The following ALOX15 variants were observed in gnomAD, a reference collection of about 807,000 sequenced individuals.
ALOX15 encodes polyunsaturated fatty acid lipoxygenase ALOX15.
A neutral mutation model predicts 71.7 loss-of-function variants in ALOX15; 68 were observed. The observed-to-expected ratio is 0.95, with a 90% CI of 0.78 to 1.16. The LOEUF (loss-of-function observed/expected upper bound fraction) is 1.16. ALOX15 is among the 50% of genes most tolerant of loss of function. The probability of loss-of-function intolerance (pLI) is 0.00; values close to 1 mark genes in which losing one functional copy is unlikely to be tolerated. For synonymous variants in ALOX15, 346 were observed against 333.3 expected (o/e 1.04, Z -0.42); for missense variants, 798 against 818.8 (o/e 0.97, Z 0.31).
At chr17:4,635,143 A>G (rs1473829091) in intron 8 of ALOX15, among the ~76,000 whole-genome samples, 7 of 151,764 alleles carry the variant, frequency 4.6e-5, no homozygotes, top group Non-Finnish European at 7.4e-5. Flanking sequence ...AAAGAAGACA[A>G]ACTTGGACCA....
rs61119773 is a variant in ALOX15 at position 4,638,668 on chromosome 17, T to C, written c.559A>G (p.Ile187Val). 5.9e-4 allele frequency: 959 copies of C among 1,614,204 alleles called. 2 individuals are homozygous for C. Among genetic ancestry groups the C allele is most frequent in the African/African-American group, 3.7e-3 (274 of 75,054 alleles). ...GTCAGAACATTTAGAGAGTCTTTGA[T>C]AGCGAGGTCGGCCAGCCTTCAGGGC... ...SLAKGLADLA[I>V]KDSLNVLTCW... The change falls in exon 5 of 14, where the codon ATC becomes GTC. Residue 187 changes from isoleucine (I) to valine (V), a missense_variant. By Grantham distance (29) the Ile-to-Val change is conservative. Around this residue, in one of 3 missense-constraint regions of ALOX15, gnomAD observed 300 missense variants for 283.1 expected, o/e 1.06. Coordinates refer to ENST00000293761, the MANE Select transcript of ALOX15 (RefSeq NM_001140.5).
intron 8 of ALOX15, among the ~76,000 whole-genome samples, chr17:4,634,811 T>G (rs955668833): frequency 6.6e-6 from 1 of 151,582 alleles, no homozygotes; most frequent in African/African-American, 2.4e-5. Context: ...AAACCTCATC[T>G]CTACTAAAAA....
At chr17:4,632,311 C>T (rs753730814) in intron 11 of ALOX15, 30 bp from the exon 12 acceptor site, 8 of 1,589,154 alleles carry the variant, frequency 5.0e-6, no homozygotes, top group Admixed American at 3.3e-5. Flanking sequence ...TTAGAAGCTG[C>T]GAAGGCAGGA....
chr17:4,640,565 G>A (rs11568087), intron 1 of ALOX15, among the ~76,000 whole-genome samples: 19,906 of 135,868 alleles, frequency 0.15, 2,025 homozygotes, highest in Middle Eastern at 0.19. Flanking sequence ...GAGGGAGCGC[G>A]CCTTTCCACC....
chr17:4,636,938 CTG>C (rs1284518722), intron 7 of ALOX15, among the ~76,000 whole-genome samples, 175 bp downstream of exon 7: 1 of 152,228 alleles, frequency 6.6e-6, no homozygotes, highest in Admixed American at 6.5e-5. Context: ...CTGGCCCAGT[CTG>C]TCTCTCCAGC....
Position 4,638,878 on chromosome 17 carries a change from C to T in ALOX15, c.514G>A (p.Val172Ile). Residue 172 changes from valine to isoleucine, a missense_variant, in exon 4 of 14, where the codon GTT becomes ATT. Coordinates refer to ENST00000293761, the MANE Select transcript of ALOX15 (RefSeq NM_001140.5). ...VDERFLEDKR[V>I]DFEVSLAKGL... ...TTGGCCAGCGAAACCTCAAAGTCAA[C>T]TCTCTTGTCTTCCAGAAATCGCTCA... 1 of 1,614,258 alleles carries T rather than the reference C, an allele frequency of 6.2e-7. No homozygotes were observed.
At chr17:4,639,294 G>T in intron 2 of ALOX15, 136 bp downstream of exon 2, 3 of 1,323,708 alleles carry the variant, frequency 2.3e-6, no homozygotes, top group African/African-American at 1.6e-5. Flanking sequence ...TGCAGCCACC[G>T]CCCCTTCGAC....
intron 11 of ALOX15, 143 bp downstream of exon 11, chr17:4,632,718 G>T: frequency 7.4e-7 from 1 of 1,354,374 alleles, no homozygotes; most frequent in Admixed American, 2.0e-5. Context: ...GTCTCTAGGT[G>T]ACAGGGAGTG....
chr17:4,636,054 T>C, intron 7 of ALOX15, 86 bp from the exon 8 acceptor site: 2 of 1,404,650 alleles, frequency 1.4e-6, no homozygotes, highest in East Asian at 4.7e-5. Flanking sequence ...AACCTCACCC[T>C]TCGTCCTCCA....
At chr17:4,635,355 AC>A in intron 8 of ALOX15, among the ~76,000 whole-genome samples, 1 of 150,970 alleles carries the variant, frequency 6.6e-6, no homozygotes, top group Middle Eastern at 3.5e-3. Context: ...AATTGCTTAA[AC>A]CCAGGAGGCA....
At chr17:4,636,244 TG>T (rs1389217863) in intron 7 of ALOX15, among the ~76,000 whole-genome samples, 2 of 152,192 alleles carry the variant, frequency 1.3e-5, no homozygotes, top group Admixed American at 1.3e-4. Flanking sequence ...GTTCCCACAG[TG>T]TGGACAAGAT....
chr17:4,638,582 A>G lies in ALOX15; in HGVS notation c.645T>C (p.Ala215=). 6.2e-7 allele frequency: 1 copy of G among 1,613,994 alleles called. No individual in the cohort carries two copies. Among genetic ancestry groups the G allele is most frequent in the Non-Finnish European group, 8.5e-7 (1 of 1,179,956 alleles). ...GACATACTGGGGTGGGGGACTGACC[A>G]GCCAGCTTGCTCTGACCACACCAGA... ...RIFWCGQSKL[A]ERVRDSWKED... is the part of the protein sequence containing the mutation. Residue 215 remains alanine, a splice_region_variant and synonymous_variant, in exon 5 of 14, where the codon GCT becomes GCC. Coordinates refer to ENST00000293761, the MANE Select transcript of ALOX15 (RefSeq NM_001140.5).
chr17:4,636,036 T>C (rs1320647244), intron 7 of ALOX15, 68 bp from the exon 8 acceptor site: 1 of 1,525,012 alleles, frequency 6.6e-7, no homozygotes, highest in Non-Finnish European at 9.0e-7. Flanking sequence ...CCGCCCCCCT[T>C]GCATGTTAAC....
Position 4,641,655 on chromosome 17 carries a change from G to A in ALOX15, c.-4C>T. ...CGCGGATGCGGTAGAGACCCATCTT[G>A]CTCAAAGATGTTTCGCTCCTTCTGG... On this transcript the variant is annotated 5_prime_UTR_variant, in exon 1 of 14. Coordinates refer to ENST00000293761, the MANE Select transcript of ALOX15 (RefSeq NM_001140.5). 6.2e-7 allele frequency: 1 copy of A among 1,604,072 alleles called. No homozygotes were observed.
chr17:4,634,094 C>T (rs1233218539), intron 8 of ALOX15, among the ~76,000 whole-genome samples: 1 of 152,146 alleles, frequency 6.6e-6, no homozygotes, highest in East Asian at 1.9e-4. Context: ...TGCTTATTAC[C>T]TGGTGACAAA....
At chr17:4,639,844 G>A (rs1258116942) in intron 1 of ALOX15, 1 of 550,612 alleles carries the variant, frequency 1.8e-6, no homozygotes, top group Non-Finnish European at 3.2e-6. Flanking sequence ...CAGGTGGGAA[G>A]GTGCGCTCCT....
intron 6 of ALOX15, among the ~76,000 whole-genome samples, chr17:4,637,505 G>A (rs1290830338): frequency 6.6e-6 from 1 of 152,056 alleles, no homozygotes; most frequent in Non-Finnish European, 1.5e-5. Flanking sequence ...TTGGGCCCAG[G>A]TGATCCTCCC....
chr17:4,633,725 T>G (rs1597429976), intron 8 of ALOX15, among the ~76,000 whole-genome samples: 1 of 152,186 alleles, frequency 6.6e-6, no homozygotes, highest in South Asian at 2.1e-4. Flanking sequence ...TAAACACACA[T>G]GCTCACGGAT....
rs1013958289 is a variant in ALOX15, at chr17:4,631,531, C to T, written c.*69G>A. 6.4e-6 allele frequency: 10 copies of T among 1,572,892 alleles called. No homozygotes were observed. Among genetic ancestry groups the T allele is most frequent in the African/African-American group, 1.3e-5 (1 of 74,420 alleles). ...GAGGGTGGGACTTGGGAGGGCAGGG[C>T]TATAACCACGAAGGGGTCAGCTTGT... On this transcript the variant is annotated 3_prime_UTR_variant, in exon 14 of 14. Coordinates refer to ENST00000293761, the MANE Select transcript of ALOX15 (RefSeq NM_001140.5).
Sources: allele counts gnomAD v4.1 joint callset (sites outside exome capture counted in the v4.1 genomes callset), GRCh38; gene constraint gnomAD v4.1.1; regional missense constraint gnomAD v4.1.1; transcripts MANE v1.5; gene names NCBI Gene and HGNC (gene_info 2026-07-23, HGNC 2026-07-21).